The following ST6GALNAC3 variants were observed in gnomAD, a reference collection of about 807,000 sequenced individuals.
ST6GALNAC3 encodes the protein ST6 N-acetylgalactosaminide alpha-2,6-sialyltransferase 3.
ST6GALNAC3 carries 25 observed loss-of-function variants against 32.7 expected under a neutral mutation model. That is an observed-to-expected ratio of 0.76 (90% CI 0.56 to 1.07). The LOEUF is 1.07. Ranked by LOEUF, ST6GALNAC3 falls within the 50% of genes least tolerant of loss-of-function variation. The pLI, the probability that ST6GALNAC3 is intolerant of heterozygous loss-of-function variation, is 0.00. For synonymous variants in ST6GALNAC3, 129 were observed against 133.1 expected, an observed-to-expected ratio of 0.97 and a Z score of 0.21; for missense variants, 355 against 382.4, an observed-to-expected ratio of 0.93 and a Z score of 0.60.
chr1:76,245,757 T>A (rs1305076757), intron 1 of ST6GALNAC3, among the ~76,000 whole-genome samples: 1 of 152,202 alleles, frequency 6.6e-6, no homozygotes, highest in Non-Finnish European at 1.5e-5. Flanking sequence ...CTAATTTGAT[T>A]GCATTGTGGT....
chr1:76,312,082 A>G (rs1282973931), intron 1 of ST6GALNAC3, among the ~76,000 whole-genome samples: 1 of 152,056 alleles, frequency 6.6e-6, no homozygotes, highest in African/African-American at 2.4e-5. Flanking sequence ...AAAACAGATA[A>G]ATAGACAAAT....
chr1:76,305,359 A>G (rs1660984876), intron 1 of ST6GALNAC3, among the ~76,000 whole-genome samples: 2 of 152,078 alleles, frequency 1.3e-5, no homozygotes, highest in South Asian at 2.1e-4. Flanking sequence ...TAGTAAAAGA[A>G]ATATATTGAG....
In ST6GALNAC3 at chr1:76,632,735, G is replaced by A. The variant is rs1038528732; in HGVS notation, c.*3929G>A. 1 of 152,006 alleles carries A rather than the reference G, an allele frequency of 6.6e-6. No individual in the cohort carries two copies. The highest frequency in any genetic ancestry group is 2.4e-5 in the African/African-American group (1 of 41,394). 9.4% of individuals were successfully genotyped at this position (152,006 alleles called of 1,614,324 possible). ...GTACTTCACCTGGTAGTGTTAATTG[G>A]ATGTTAATTATGAGCTCGGTTTAAT... On this transcript the variant is annotated 3_prime_UTR_variant, in exon 5 of 5. Coordinates refer to ENST00000328299, the MANE Select transcript of ST6GALNAC3 (RefSeq NM_152996.4).
At chr1:76,376,276 C>A (rs1438190645) in intron 2 of ST6GALNAC3, among the ~76,000 whole-genome samples, 1 of 152,108 alleles carries the variant, frequency 6.6e-6, no homozygotes, top group Non-Finnish European at 1.5e-5. Flanking sequence ...TTAATATAAT[C>A]CACTGACCTT....
rs1660232341 is a variant in ST6GALNAC3 at position 76,487,892 on chromosome 1, A to C, written c.623+75475A>C. 1.3e-5 allele frequency among the ~76,000 whole-genome samples: 2 copies of C among 152,130 alleles called. 1 individual carries two copies. Among genetic ancestry groups the C allele is most frequent in the Non-Finnish European group, 2.9e-5 (2 of 68,032 alleles). ...TTGGTCTTTGATGATGGTGATGTACAGATGGGGTTTTGGTGTGGGTGCCCT... is the reference window on the plus strand; with the variant it reads ...TTGGTCTTTGATGATGGTGATGTACCGATGGGGTTTTGGTGTGGGTGCCCT... On this transcript the variant is annotated intron_variant, in intron 3 of 4. Transcript: ENST00000328299.
At chr1:76,542,474 G>A (rs1220402005) in intron 3 of ST6GALNAC3, among the ~76,000 whole-genome samples, 2 of 152,098 alleles carry the variant, frequency 1.3e-5, no homozygotes, top group Non-Finnish European at 2.9e-5. Context: ...AAATTGCCTG[G>A]TTTAACTAGC....
intron 2 of ST6GALNAC3, among the ~76,000 whole-genome samples, chr1:76,334,565 C>T (rs1647316765): frequency 6.6e-6 from 1 of 152,156 alleles, no homozygotes; most frequent in Non-Finnish European, 1.5e-5. Context: ...TTAGTAGTCA[C>T]AGAAATGAGA....
intron 1 of ST6GALNAC3, among the ~76,000 whole-genome samples, chr1:76,304,362 TTCC>T (rs1026655936): frequency 2.0e-5 from 3 of 152,000 alleles, no homozygotes; most frequent in African/African-American, 7.2e-5. Flanking sequence ...TCTTCCCTCT[TTCC>T]TCCATCTTCT....
At chr1:76,262,514 T>C (rs922396213) in intron 1 of ST6GALNAC3, among the ~76,000 whole-genome samples, 3 of 152,328 alleles carry the variant, frequency 2.0e-5, no homozygotes, top group South Asian at 4.1e-4. Context: ...ATGATGTTGA[T>C]ATTTGGATCA....
intron 3 of ST6GALNAC3, among the ~76,000 whole-genome samples, chr1:76,530,449 G>A (rs1663183685): frequency 6.6e-6 from 1 of 152,146 alleles, no homozygotes. Context: ...AACTGACCAC[G>A]TTCATTGCCA....
intron 1 of ST6GALNAC3, among the ~76,000 whole-genome samples, chr1:76,231,989 G>C (rs778586983): frequency 3.9e-5 from 6 of 152,142 alleles, no homozygotes; most frequent in Admixed American, 3.3e-4. Flanking sequence ...TGACAACAAG[G>C]CTTCGAGGTA....
chr1:76,447,507 C>A (rs1193478674), intron 3 of ST6GALNAC3, among the ~76,000 whole-genome samples: 1 of 152,138 alleles, frequency 6.6e-6, no homozygotes, highest in Admixed American at 6.5e-5. Flanking sequence ...AATGTTAATA[C>A]CCAAGACAAT....
intron 3 of ST6GALNAC3, among the ~76,000 whole-genome samples, chr1:76,524,547 A>G (rs1662748902): frequency 6.6e-6 from 1 of 152,128 alleles, no homozygotes; most frequent in South Asian, 2.1e-4. Flanking sequence ...ATATGTAATC[A>G]TATATAGTAG....
At chr1:76,450,489 T>C (rs986059364) in intron 3 of ST6GALNAC3, among the ~76,000 whole-genome samples, 2 of 152,210 alleles carry the variant, frequency 1.3e-5, no homozygotes, top group Non-Finnish European at 2.9e-5. Flanking sequence ...GATGTATAGA[T>C]TGTGAAGATT....
At chr1:76,104,790 C>T (rs912846249) in intron 1 of ST6GALNAC3, among the ~76,000 whole-genome samples, 17 of 152,136 alleles carry the variant, frequency 1.1e-4, no homozygotes, top group Admixed American at 6.6e-5. Flanking sequence ...TTCCACAGGG[C>T]TGGGGAGGCC....
In ST6GALNAC3 at chr1:76,122,535, G is replaced by A. The variant is rs547738058; in HGVS notation, c.18+47651G>A. ...TGAGAGTTTCCCAAGGTGAACCGAA[G>A]ACTCCTTGAAAGCCTCCTTCACTGG... On this transcript the variant is annotated intron_variant, in intron 1 of 4. Transcript: ENST00000328299. Among the ~76,000 whole-genome samples the A allele has an allele frequency of 5.3e-5, 8 of 152,296 alleles. No individual in the cohort carries two copies. The South Asian group carries it at 1.5e-3, about 28-fold the overall frequency.
At chr1:76,204,141 A>G (rs1654691237) in intron 1 of ST6GALNAC3, among the ~76,000 whole-genome samples, 1 of 152,174 alleles carries the variant, frequency 6.6e-6, no homozygotes, top group Non-Finnish European at 1.5e-5. Context: ...ATTAGTGAGA[A>G]CATGCAATTG....
intron 1 of ST6GALNAC3, among the ~76,000 whole-genome samples, chr1:76,117,570 T>C (rs933203125): frequency 4.6e-5 from 7 of 151,720 alleles, no homozygotes; most frequent in African/African-American, 1.7e-4. Context: ...AATTCTGTCT[T>C]TGCTGCATTA....
At chr1:76,324,376 A>G (rs144577884) in intron 2 of ST6GALNAC3, among the ~76,000 whole-genome samples, 1 of 152,356 alleles carries the variant, frequency 6.6e-6, no homozygotes, top group African/African-American at 2.4e-5. Flanking sequence ...GGAAAGGCTG[A>G]CAAACACTAT....
Sources: gnomAD v4.1 joint callset for allele counts (sites outside exome capture counted in the v4.1 genomes callset) on GRCh38, gnomAD v4.1.1 for gene constraint, MANE v1.5 for transcripts, NCBI Gene and HGNC (gene_info 2026-07-23, HGNC 2026-07-21) for gene names.